SIL1: variants seen among roughly 807,000 people sequenced by gnomAD.
The protein encoded by SIL1 is SIL1 nucleotide exchange factor.
SIL1 carries 40 observed loss-of-function variants against 49.1 expected under a neutral mutation model. The ratio of observed to expected loss-of-function variants is 0.81; its 90% confidence interval spans 0.63 to 1.06. SIL1 has a LOEUF of 1.06. Ranked by LOEUF, SIL1 falls within the 50% of genes least tolerant of loss-of-function variation. SIL1 has a pLI of 0.00. For missense variants in SIL1, 500 were observed against 572.6 expected (o/e 0.87, Z 1.29); for synonymous variants, 253 against 250.8 (o/e 1.01, Z -0.08).
intron 1 of SIL1, among the ~76,000 whole-genome samples, chr5:139,185,336 T>C (rs1752059493): frequency 1.3e-5 from 2 of 152,192 alleles, no homozygotes; most frequent in African/African-American, 4.8e-5. Flanking sequence ...GTAGTAATTA[T>C]CTCACTTGTT....
intron 7 of SIL1, among the ~76,000 whole-genome samples, chr5:138,992,452 G>C (rs1767778711): frequency 6.6e-6 from 1 of 152,184 alleles, no homozygotes; most frequent in Non-Finnish European, 1.5e-5. Flanking sequence ...GTTGTTGTGA[G>C]GATTAAATGA....
chr5:139,132,828 G>T (rs1228588306), intron 1 of SIL1, among the ~76,000 whole-genome samples: 1 of 152,156 alleles, frequency 6.6e-6, no homozygotes, highest in Non-Finnish European at 1.5e-5. Flanking sequence ...GGGAAAGGGG[G>T]AAAGGGAAGT....
intron 3 of SIL1, among the ~76,000 whole-genome samples, chr5:139,091,472 G>C (rs1770340803): frequency 6.6e-6 from 1 of 152,156 alleles, no homozygotes; most frequent in Admixed American, 6.5e-5. Context: ...GTTCAACTTT[G>C]CTCATCACAT....
chr5:138,979,751 G>GC (rs1767475594), intron 7 of SIL1, among the ~76,000 whole-genome samples: 2 of 152,176 alleles, frequency 1.3e-5, no homozygotes, highest in South Asian at 4.1e-4. Context: ...AGGGCTCCTT[G>GC]CCAGGAGGCA....
At chr5:139,169,885 C>CTCTTTCCACGGTCTCCCTCTCCCTCTCT (rs1561888572) in intron 1 of SIL1, among the ~76,000 whole-genome samples, 5 of 151,218 alleles carry the variant, frequency 3.3e-5, no homozygotes, top group South Asian at 4.2e-4. Flanking sequence ...TCTCCCTCTC[C>CTCTTTCCACGGTCTCCCTCTCCCTCTCT]CTCTCTCTCC....
chr5:139,126,466 C>G (rs1182768167), intron 2 of SIL1, among the ~76,000 whole-genome samples: 6 of 152,162 alleles, frequency 3.9e-5, no homozygotes, highest in African/African-American at 1.2e-4. Flanking sequence ...TCATGAGGTA[C>G]AAGTTGGGGA....
At chr5:139,146,228 T>C (rs964489830) in intron 1 of SIL1, among the ~76,000 whole-genome samples, 67 of 152,144 alleles carry the variant, frequency 4.4e-4, no homozygotes, top group Admixed American at 2.9e-3. Context: ...AAACCGGACA[T>C]TGGGTACATG....
At chr5:139,106,433 G>C (rs1770714596) in intron 3 of SIL1, among the ~76,000 whole-genome samples, 1 of 152,196 alleles carries the variant, frequency 6.6e-6, no homozygotes, top group Non-Finnish European at 1.5e-5. Context: ...CTAGCCATTT[G>C]TCACAGCATT....
chr5:138,964,370 G>A (rs1767089856), intron 7 of SIL1, among the ~76,000 whole-genome samples: 1 of 152,188 alleles, frequency 6.6e-6, no homozygotes, highest in Non-Finnish European at 1.5e-5. Context: ...CTGGGTGCAA[G>A]GGTTGTCTGA....
At chr5:138,984,114 T>C (rs1290575964) in intron 7 of SIL1, among the ~76,000 whole-genome samples, 1 of 152,222 alleles carries the variant, frequency 6.6e-6, no homozygotes, top group Admixed American at 6.5e-5. Flanking sequence ...CTGCACCTTA[T>C]ATAACCAGCA....
chr5:139,023,433 G>C (rs531359117), intron 6 of SIL1, among the ~76,000 whole-genome samples: 1 of 152,062 alleles, frequency 6.6e-6, no homozygotes, highest in African/African-American at 2.4e-5. Flanking sequence ...GACAATGAGA[G>C]AATGGGAAAC....
intron 3 of SIL1, among the ~76,000 whole-genome samples, chr5:139,116,816 T>C (rs1175297652): frequency 6.6e-6 from 1 of 152,254 alleles, no homozygotes; most frequent in African/African-American, 2.4e-5. Flanking sequence ...TAGCCACTTA[T>C]TGAATATGGC....
At chr5:139,194,351 A>T (rs1018953579) in intron 1 of SIL1, among the ~76,000 whole-genome samples, 1 of 152,196 alleles carries the variant, frequency 6.6e-6, no homozygotes, top group Non-Finnish European at 1.5e-5. Flanking sequence ...TATGCTAGGA[A>T]TCAGGGGTTA....
chr5:138,998,475 G>C (rs1409395243), intron 7 of SIL1, among the ~76,000 whole-genome samples: 2 of 152,034 alleles, frequency 1.3e-5, no homozygotes, highest in Non-Finnish European at 2.9e-5. Flanking sequence ...GCTGAGGCTG[G>C]GTAATTCATA....
intron 3 of SIL1, among the ~76,000 whole-genome samples, chr5:139,102,598 C>T (rs540406525): frequency 2.0e-5 from 3 of 152,040 alleles, no homozygotes; most frequent in Admixed American, 1.3e-4. Context: ...ATCCTACTTC[C>T]AATATAATAT....
intron 4 of SIL1, among the ~76,000 whole-genome samples, chr5:139,048,576 C>G (rs995493567): frequency 6.6e-6 from 1 of 151,942 alleles, no homozygotes; most frequent in Non-Finnish European, 1.5e-5. Flanking sequence ...CACCCTGTCG[C>G]TGGTGTGTGT....
chr5:138,957,414 TAAAAAAAA>T (rs58144526), intron 7 of SIL1, among the ~76,000 whole-genome samples: 1 of 91,460 alleles, frequency 1.1e-5, no homozygotes, highest in Admixed American at 1.2e-4. Context: ...TCTGCAAAAG[TAAAAAAAA>T]AAAAAAAAAA....
chr5:139,023,147 T>G (rs1281732381), intron 6 of SIL1, among the ~76,000 whole-genome samples: 1 of 152,244 alleles, frequency 6.6e-6, no homozygotes, highest in East Asian at 1.9e-4. Context: ...TCAGCCTTTT[T>G]GGGATGTTTT....
chr5:138,955,968 A>G (rs1766893403), intron 7 of SIL1, among the ~76,000 whole-genome samples: 1 of 152,198 alleles, frequency 6.6e-6, no homozygotes, highest in African/African-American at 2.4e-5. Flanking sequence ...GATGAGGGTG[A>G]CTAGTTAGAT....
Sources: gnomAD v4.1 joint callset for allele counts (sites outside exome capture counted in the v4.1 genomes callset) on GRCh38, gnomAD v4.1.1 for gene constraint, MANE v1.5 for transcripts, NCBI Gene and HGNC (gene_info 2026-07-23, HGNC 2026-07-21) for gene names.